The following EVC2 variants were observed in gnomAD, a reference collection of about 807,000 sequenced individuals.
EVC2 encodes limbin.
In EVC2, 148 loss-of-function variants were observed where a neutral mutation model predicts 149.3. That is an observed-to-expected ratio of 0.99 (90% CI 0.87 to 1.14). The LOEUF (loss-of-function observed/expected upper bound fraction) is 1.14. Ranked by LOEUF, EVC2 falls within the 50% of genes most tolerant of loss-of-function variation. The pLI, the probability that EVC2 is intolerant of heterozygous loss-of-function variation, is 0.00. For missense variants in EVC2, 1,854 were observed against 1,627.3 expected (o/e 1.14, Z -2.40); for synonymous variants, 776 against 649.9 (o/e 1.19, Z -2.95).
intron 16 of EVC2, among the ~76,000 whole-genome samples, chr4:5,586,599 A>T (rs536107365): frequency 7.2e-5 from 11 of 152,192 alleles, no homozygotes; most frequent in Non-Finnish European, 1.2e-4. Context: ...TTCTCTCTGA[A>T]GCCTGCTACC....
At chr4:5,672,287 G>T (rs935732607) in intron 7 of EVC2, among the ~76,000 whole-genome samples, 14 of 152,354 alleles carry the variant, frequency 9.2e-5, no homozygotes, top group African/African-American at 3.4e-4. Flanking sequence ...GCCGGCAAGA[G>T]AAGCAGCCCC....
At chr4:5,593,080 T>G (rs1712978893) in intron 16 of EVC2, among the ~76,000 whole-genome samples, 1 of 152,196 alleles carries the variant, frequency 6.6e-6, no homozygotes, top group South Asian at 2.1e-4. Context: ...AGTATATGTT[T>G]GCTTCCCACT....
upstream of EVC2, chr4:5,709,263 G>T (rs145587784): frequency 1.2e-5 from 1 of 82,138 alleles, no homozygotes; most frequent in Non-Finnish European, 2.9e-5. Context: ...AGGGACGCAG[G>T]AGGAGGAGGA....
At chr4:5,572,482 A>G (rs1722697404) in intron 19 of EVC2, among the ~76,000 whole-genome samples, 9 of 152,172 alleles carry the variant, frequency 5.9e-5, no homozygotes, top group Admixed American at 5.2e-4. Context: ...CCTCTGCCAC[A>G]TAAGGACCCG....
At chr4:5,554,867 C>G (rs1721805743) in intron 21 of EVC2, among the ~76,000 whole-genome samples, 2 of 152,040 alleles carry the variant, frequency 1.3e-5, no homozygotes, top group South Asian at 4.1e-4. Flanking sequence ...CTAAGAAAAA[C>G]AAAAAGTTAC....
intron 7 of EVC2, 126 bp from the exon 8 acceptor site, chr4:5,665,775 G>A (rs1215207432): frequency 1.3e-5 from 19 of 1,426,140 alleles, no homozygotes; most frequent in South Asian, 2.5e-5. Flanking sequence ...TTTGAGTCTC[G>A]CTCTGCCAGC....
chr4:5,685,119 A>C (rs998755490), intron 6 of EVC2, among the ~76,000 whole-genome samples: 7 of 152,206 alleles, frequency 4.6e-5, no homozygotes, highest in African/African-American at 1.7e-4. Context: ...TGTATTGATT[A>C]CCTATCCTTA....
At chr4:5,548,871 T>C (rs1721675701) in intron 21 of EVC2, among the ~76,000 whole-genome samples, 1 of 152,148 alleles carries the variant, frequency 6.6e-6, no homozygotes, top group African/African-American at 2.4e-5. Flanking sequence ...GGACAAGCAG[T>C]GCTAACATTT....
Position 5,689,260 on chromosome 4 carries a change from C to T in EVC2, c.603G>A (p.Ser201=), listed in dbSNP as rs200083464. Residue 201 remains serine (S), a synonymous_variant, in exon 5 of 22, where the codon TCG becomes TCA. Coordinates refer to ENST00000344408, the MANE Select transcript of EVC2 (RefSeq NM_147127.5). ...CAATGCTGTCCAGCAAGAGCAGCTCCGAGAGGTTGGCTGACGAGGTTGTCT... is the reference window on the plus strand; with the variant it reads ...CAATGCTGTCCAGCAAGAGCAGCTCTGAGAGGTTGGCTGACGAGGTTGTCT... ...NTKTTSSANL[S]ELLLLDSIAG... 1.8e-5 allele frequency: 29 copies of T among 1,614,156 alleles called. No homozygotes were observed. The highest frequency in any genetic ancestry group is 6.7e-5 in the Admixed American group (4 of 60,016).
chr4:5,569,320 G>C lies in EVC2; in HGVS notation c.3361-680C>G, dbSNP rs1160721960. On this transcript the variant is annotated intron_variant, in intron 19 of 21. Transcript: ENST00000344408. The surrounding 1 kb of genome is among the most constrained non-coding windows in gnomAD (Gnocchi z 4.8). ...GACAGCTCTGTGTCTTGATGGTGCT[G>C]CTGGTTACATGAATGTGCATAGGAT... is the stretch of plus-strand genomic sequence containing the variant. 1.3e-5 allele frequency among the ~76,000 whole-genome samples: 2 copies of C among 152,200 alleles called. No homozygotes were observed. The highest frequency in any genetic ancestry group is 4.8e-5 in the African/African-American group (2 of 41,452).
At chr4:5,639,109 C>T (rs1717116539) in intron 10 of EVC2, among the ~76,000 whole-genome samples, 1 of 151,920 alleles carries the variant, frequency 6.6e-6, no homozygotes, top group Non-Finnish European at 1.5e-5. Context: ...ACTGCTCATC[C>T]CCTGTCTGAC....
At chr4:5,539,925 G>A (rs943219387), downstream of EVC2, among the ~76,000 whole-genome samples, 1 of 152,080 alleles carries the variant, frequency 6.6e-6, no homozygotes, top group African/African-American at 2.4e-5. Flanking sequence ...AGATACCGCT[G>A]AAAGAATGAA....
rs992326794 is a variant in EVC2 at position 5,708,315 on chromosome 4, T to TCCGCC, written c.194_198dup (p.Ser67GlyfsTer17). The TCCGCC allele has an allele frequency of 3.4e-6, 5 of 1,459,502 alleles. No homozygotes were observed. Among genetic ancestry groups the TCCGCC allele is most frequent in the African/African-American group, 1.5e-5 (1 of 66,984 alleles). 90.4% of individuals were successfully genotyped at this position (1,459,502 alleles called of 1,614,324 possible). A position where few individuals can be genotyped will look rare whatever the true frequency, so the allele number is the denominator to read the frequency against. Reference sequence around the variant, plus strand: ...GTGCTGCTCTCGGGCCCCGCCCCGCTCCGCCCCGGAGGGATCCTCAGGCCG... The same window carrying TCCGCC: ...GTGCTGCTCTCGGGCCCCGCCCCGCTCCGCCCCGCCCCGGAGGGATCCTCAGGCCG... On this transcript the variant is annotated frameshift_variant, in exon 1 of 22. Transcript: ENST00000344408. LOFTEE classifies it high-confidence loss of function.
At chr4:5,604,141 G>C (rs569389009) in intron 16 of EVC2, among the ~76,000 whole-genome samples, 1 of 152,338 alleles carries the variant, frequency 6.6e-6, no homozygotes, top group African/African-American at 2.4e-5. Context: ...GATACATGCA[G>C]AGGGTCTAGG....
chr4:5,616,458 T>C (rs73794669), intron 15 of EVC2, among the ~76,000 whole-genome samples: 2,596 of 152,210 alleles, frequency 0.017, 70 homozygotes, highest in African/African-American at 0.058. Flanking sequence ...TGGGCCTAGA[T>C]CAAAGAGAAG....
intron 21 of EVC2, among the ~76,000 whole-genome samples, chr4:5,556,006 C>T (rs899281012): frequency 2.0e-5 from 3 of 151,392 alleles, no homozygotes; most frequent in African/African-American, 7.3e-5. Flanking sequence ...AGTGAAATCC[C>T]ATCTCTACTA....
At chr4:5,582,168 G>A (rs1410456590) in intron 17 of EVC2, among the ~76,000 whole-genome samples, 1 of 152,200 alleles carries the variant, frequency 6.6e-6, no homozygotes, top group South Asian at 2.1e-4. Flanking sequence ...TGTGATAAGG[G>A]GGCTGCTATC....
At chr4:5,556,806 C>T (rs1454668149) in intron 21 of EVC2, among the ~76,000 whole-genome samples, 3 of 152,180 alleles carry the variant, frequency 2.0e-5, no homozygotes, top group South Asian at 4.1e-4. Context: ...GTGAACAACT[C>T]TATGCCCATA....
chr4:5,572,494 C>A (rs544025023), intron 19 of EVC2, among the ~76,000 whole-genome samples: 16 of 152,312 alleles, frequency 1.1e-4, no homozygotes, highest in African/African-American at 3.1e-4. Context: ...AAGGACCCGG[C>A]TTTCCTGTCC....
Sources: allele counts gnomAD v4.1 joint callset (sites outside exome capture counted in the v4.1 genomes callset), GRCh38; gene constraint gnomAD v4.1.1; non-coding constraint Gnocchi (gnomAD v3.1); transcripts MANE v1.5; gene names NCBI Gene and HGNC (gene_info 2026-07-23, HGNC 2026-07-21).